The following RCOR2 variants were observed in gnomAD, a reference collection of about 807,000 sequenced individuals.
RCOR2 encodes REST corepressor 2.
RCOR2 carries 19 observed loss-of-function variants against 58.9 expected under a neutral mutation model. The observed-to-expected ratio is 0.32, with a 90% CI of 0.23 to 0.47. The LOEUF (loss-of-function observed/expected upper bound fraction) is 0.47. Among genes scored for constraint, RCOR2 ranks in the 20% least tolerant of loss-of-function variants. RCOR2 has a pLI of 1.00. For synonymous variants in RCOR2, 286 were observed against 278.7 expected, an observed-to-expected ratio of 1.03 and a Z score of -0.26; for missense variants, 590 against 707.9, an observed-to-expected ratio of 0.83 and a Z score of 1.89.
chr11:63,924,583 A>G, the RCOR2 span, among the ~76,000 whole-genome samples: 99 of 151,528 alleles, frequency 6.5e-4, no homozygotes, highest in African/African-American at 2.3e-3. Flanking sequence ...TCAGTCTCCA[A>G]CTCTTGTGAA....
upstream of RCOR2, among the ~76,000 whole-genome samples, chr11:63,920,947 C>CA (rs1792256640): frequency 6.6e-6 from 1 of 152,080 alleles, no homozygotes; most frequent in Non-Finnish European, 1.5e-5. Context: ...ACAGAGGTGG[C>CA]AATCTGGCGC....
At chr11:63,913,729 G>A (rs1941813777) in intron 8 of RCOR2, among the ~76,000 whole-genome samples, 1 of 152,122 alleles carries the variant, frequency 6.6e-6, no homozygotes, top group Admixed American at 6.5e-5. Flanking sequence ...TGATCCGCCG[G>A]CCTCAGTCCC....
chr11:63,913,882 C>G, intron 8 of RCOR2, 72 bp downstream of exon 8: 1 of 1,390,520 alleles, frequency 7.2e-7, no homozygotes. Context: ...TACACCTCAG[C>G]TCCCCCTAGA....
chr11:63,915,629 G>A lies in RCOR2; in HGVS notation c.128-18C>T, dbSNP rs1362352318. 1 of 1,052,344 alleles carries A rather than the reference G, an allele frequency of 9.5e-7. No homozygotes were observed. 65.2% of individuals were successfully genotyped at this position (1,052,344 alleles called of 1,614,324 possible). A position where few individuals can be genotyped will look rare whatever the true frequency, so the allele number is the denominator to read the frequency against. On this transcript the variant is annotated intron_variant, in intron 1 of 11. Transcript: ENST00000301459. Reference sequence around the variant, plus strand: ...CATGCTGTCTGTGGAGCCAGGGGGAGGCAGTCAGGACTCCAGGGAGGGCGG... The same window carrying A: ...CATGCTGTCTGTGGAGCCAGGGGGAAGCAGTCAGGACTCCAGGGAGGGCGG...
At chr11:63,918,779 C>T (rs1186442356), upstream of RCOR2, among the ~76,000 whole-genome samples, 1 of 152,120 alleles carries the variant, frequency 6.6e-6, no homozygotes, top group African/African-American at 2.4e-5. Context: ...ATCTTGCCCC[C>T]GCCCCCTATT....
upstream of RCOR2, among the ~76,000 whole-genome samples, chr11:63,919,619 C>T (rs935457133): frequency 3.2e-4 from 49 of 152,184 alleles, no homozygotes; most frequent in Non-Finnish European, 5.9e-5. Context: ...AGAGGCAGCC[C>T]GGGGACCAGC....
At position 63,912,863 on chromosome 11, in the gene RCOR2, G is replaced by A; in HGVS notation, c.969+7C>T. On this transcript the variant is annotated splice_region_variant and intron_variant, in intron 9 of 11. Transcript: ENST00000301459. ...CCTTTGCACCCTAACTTAAAGAGCA[G>A]CCATACCTCCGGGGGGCGTAGTGGA... 1 of 1,613,472 alleles carries A rather than the reference G, an allele frequency of 6.2e-7. No individual in the cohort carries two copies. The highest frequency in any genetic ancestry group is 8.5e-7 in the Non-Finnish European group (1 of 1,179,614).
the RCOR2 span, among the ~76,000 whole-genome samples, chr11:63,922,664 T>G: frequency 1.3e-5 from 2 of 152,202 alleles, no homozygotes; most frequent in African/African-American, 2.4e-5. Flanking sequence ...TGAATACAAA[T>G]TTTTAAATAT....
At chr11:63,915,442 C>T (rs1941841819) in intron 2 of RCOR2, 113 bp downstream of exon 2, 3 of 1,248,826 alleles carry the variant, frequency 2.4e-6, no homozygotes, top group Non-Finnish European at 2.3e-6. Flanking sequence ...GGCCACCCAC[C>T]CCTGCCAGCC....
In RCOR2 at chr11:63,916,538, C is replaced by T. The variant is rs1200570684; in HGVS notation, c.-82G>A. On this transcript the variant is annotated 5_prime_UTR_variant, in exon 1 of 12. Transcript: ENST00000301459. ...CCGCACTCGCTCCGAGTGCCGAGCC[C>T]GGCCCGGCCTGGAGAGGTCGCCACT... The T allele has an allele frequency of 1.3e-6, 2 of 1,503,458 alleles. No homozygotes were observed. Among genetic ancestry groups the T allele is most frequent in the Admixed American group, 2.1e-5 (1 of 48,004 alleles). 93.1% of individuals were successfully genotyped at this position (1,503,458 alleles called of 1,614,324 possible).
upstream of RCOR2, among the ~76,000 whole-genome samples, chr11:63,917,250 T>A (rs1328781359): frequency 4.7e-5 from 2 of 42,596 alleles, no homozygotes. Flanking sequence ...CATCTGGCCC[T>A]GGGGTGGGAG....
chr11:63,926,410 T>C, the RCOR2 span, among the ~76,000 whole-genome samples: 1 of 152,016 alleles, frequency 6.6e-6, no homozygotes, highest in Non-Finnish European at 1.5e-5. Context: ...GAGTCCCCTC[T>C]CTTTCCTCCA....
At position 63,914,825 on chromosome 11, in the gene RCOR2, G is replaced by A. The variant is rs1565161312; in HGVS notation, c.319-9C>T. 7.5e-6 allele frequency: 12 copies of A among 1,597,606 alleles called. No individual in the cohort carries two copies. Among genetic ancestry groups the A allele is most frequent in the Non-Finnish European group, 1.0e-5 (12 of 1,171,518 alleles). ...AGAAGCATGCCCAGCGCCTGGCCCG[G>A]GGCAAGGGGCAGCTGAGCCTGAGCT... On this transcript the variant is annotated splice_polypyrimidine_tract_variant and intron_variant, in intron 4 of 11. Transcript: ENST00000301459.
Position 63,911,882 on chromosome 11 carries a change from G to T in RCOR2, c.1555C>A (p.Pro519Thr). ...GTCAGGGCTCAGAGTGAGGGTGCTG[G>T]GGGCTCCAGAGGGGTTCCAATCAGG... Reference protein sequence around the residue: ...PTLIGTPLEPPAPSL With the variant: ...PTLIGTPLEPTAPSL Residue 519 changes from proline (P) to threonine (T), a missense_variant, in exon 12 of 12, where the codon CCA becomes ACA. Physicochemically the swap from Pro to Thr is conservative, Grantham distance 38 (BLOSUM62 -1). Transcript: ENST00000301459. The T allele has an allele frequency of 6.9e-7, 1 of 1,449,416 alleles. No individual in the cohort carries two copies. The highest frequency in any genetic ancestry group is 9.1e-7 in the Non-Finnish European group (1 of 1,097,250). 89.8% of individuals were successfully genotyped at this position (1,449,416 alleles called of 1,614,324 possible). A position where few individuals can be genotyped will look rare whatever the true frequency, so the allele number is the denominator to read the frequency against.
intron 1 of RCOR2, 62 bp from the exon 2 acceptor site, chr11:63,915,673 CG>C: frequency 2.3e-6 from 1 of 427,072 alleles, no homozygotes; most frequent in South Asian, 2.0e-5. Flanking sequence ...GAGGATGTGG[CG>C]GGCGGGGGAG....
chr11:63,925,967 T>G, the RCOR2 span, among the ~76,000 whole-genome samples: 1 of 152,102 alleles, frequency 6.6e-6, no homozygotes, highest in Admixed American at 6.6e-5. Flanking sequence ...TGGAGTGCAA[T>G]GGCCCAATCT....
At position 63,912,025 on chromosome 11, in the gene RCOR2, T is replaced by A; in HGVS notation, c.1412A>T (p.Gln471Leu). 2 of 1,439,502 alleles carry A rather than the reference T, an allele frequency of 1.4e-6. No homozygotes were observed. The highest frequency in any genetic ancestry group is 2.8e-5 in the South Asian group (2 of 72,300). 89.2% of individuals were successfully genotyped at this position (1,439,502 alleles called of 1,614,324 possible). ...CCGGGGCTGGAGGAAGCGGCCCTGC[T>A]GCAGTGGGGGTGGCTGTCGGAGCAG... is the stretch of plus-strand genomic sequence containing the variant. ...PTLLRQPPPL[Q>L]QGRFLQPRLA... Residue 471 changes from glutamine (Q) to leucine (L), a missense_variant, in exon 12 of 12, where the codon CAG (glutamine) becomes CTG (leucine). This residue lies in a region of RCOR2 where 196 missense variants were observed against 210.7 expected (regional missense o/e 0.93). Coordinates refer to ENST00000301459, the MANE Select transcript of RCOR2 (RefSeq NM_173587.4).
Position 63,915,246 on chromosome 11 carries a change from C to T in RCOR2, c.197G>A (p.Arg66His), listed in dbSNP as rs1440042929. The T allele has an allele frequency of 6.4e-7, 1 of 1,551,340 alleles. No individual in the cohort carries two copies. Among genetic ancestry groups the T allele is most frequent in the Admixed American group, 2.0e-5 (1 of 51,010 alleles). The change falls in exon 3 of 12, where the codon CGC becomes CAC. Residue 66 changes from arginine to histidine, a missense_variant. Physicochemically the swap from Arg to His is conservative, Grantham distance 29. Transcript: ENST00000301459. ...IPECKPESPARYSNKELKGML... is the reference protein window; with the variant it reads ...IPECKPESPAHYSNKELKGML... Reference sequence around the variant, plus strand: ...CCCCTTCAGCTCCTTGTTGCTGTAGCGTGCGGGGCTCTCTGAAAGGCCGAG... The same window carrying T: ...CCCCTTCAGCTCCTTGTTGCTGTAGTGTGCGGGGCTCTCTGAAAGGCCGAG...
In RCOR2 at chr11:63,914,966, G is replaced by A. The variant is rs537726361; in HGVS notation, c.266-12C>T. On this transcript the variant is annotated splice_polypyrimidine_tract_variant and intron_variant, in intron 3 of 11. Coordinates refer to ENST00000301459, the MANE Select transcript of RCOR2 (RefSeq NM_173587.4). ...AATGTACTTGTCAACTGCAGGGGCAGCAGGGGCAGGGTCTTGGTGAAGGGG... is the reference window on the plus strand; with the variant it reads ...AATGTACTTGTCAACTGCAGGGGCAACAGGGGCAGGGTCTTGGTGAAGGGG... 4 of 1,613,858 alleles carry A rather than the reference G, an allele frequency of 2.5e-6. No homozygotes were observed. The South Asian group carries it at 4.4e-5, about 18-fold the overall frequency.
Sources: gnomAD v4.1 joint callset for allele counts (sites outside exome capture counted in the v4.1 genomes callset) on GRCh38, gnomAD v4.1.1 for gene constraint, gnomAD v4.1.1 regional missense constraint, MANE v1.5 for transcripts, NCBI Gene and HGNC (gene_info 2026-07-23, HGNC 2026-07-21) for gene names.